The following SGMS1 variants were observed in gnomAD, a reference collection of about 807,000 sequenced individuals.
The protein encoded by SGMS1 is phosphatidylcholine:ceramide cholinephosphotransferase 1.
Under a neutral mutation model 46.2 loss-of-function variants are expected in SGMS1, and 13 were observed. The ratio of observed to expected loss-of-function variants is 0.28; its 90% CI spans 0.18 to 0.45. SGMS1 has a LOEUF of 0.45. Ranked by LOEUF, SGMS1 falls within the 20% of genes least tolerant of loss-of-function variation. SGMS1 has a pLI of 1.00. For missense variants in SGMS1, 324 were observed against 519.9 expected, an observed-to-expected ratio of 0.62 and a Z score of 3.66; for synonymous variants, 203 against 187.8, an observed-to-expected ratio of 1.08 and a Z score of -0.66.
intron 3 of SGMS1, among the ~76,000 whole-genome samples, chr10:50,491,970 C>T (rs1483141763): frequency 2.6e-5 from 4 of 152,166 alleles, no homozygotes; most frequent in Non-Finnish European, 4.4e-5. Context: ...TTATCCATCA[C>T]GGTCAAGTAT....
At chr10:50,405,271 C>T (rs1387831973) in intron 6 of SGMS1, among the ~76,000 whole-genome samples, 1 of 151,882 alleles carries the variant, frequency 6.6e-6, no homozygotes, top group African/African-American at 2.4e-5. Context: ...TATAATAAAC[C>T]TCAACATCTG....
At chr10:50,524,150 C>T (rs1023355966) in intron 2 of SGMS1, among the ~76,000 whole-genome samples, 1 of 152,186 alleles carries the variant, frequency 6.6e-6, no homozygotes, top group Non-Finnish European at 1.5e-5. Flanking sequence ...TTTTGTACCC[C>T]TCACTGTCCA....
At chr10:50,486,320 T>C (rs1375557344) in intron 3 of SGMS1, among the ~76,000 whole-genome samples, 1 of 152,192 alleles carries the variant, frequency 6.6e-6, no homozygotes, top group Non-Finnish European at 1.5e-5. Context: ...TAATGGAATC[T>C]AATTCAACTA....
At chr10:50,356,108 C>T (rs187836247) in intron 6 of SGMS1, among the ~76,000 whole-genome samples, 32 of 152,154 alleles carry the variant, frequency 2.1e-4, no homozygotes, top group African/African-American at 6.3e-4. Flanking sequence ...GCAGTTTTGT[C>T]GAATAGAAAA....
chr10:50,374,727 T>C (rs1316743025), intron 6 of SGMS1, among the ~76,000 whole-genome samples: 8 of 152,092 alleles, frequency 5.3e-5, no homozygotes, highest in African/African-American at 1.7e-4. Flanking sequence ...TCTCCCCACT[T>C]GCCCATTCTC....
chr10:50,389,292 G>C (rs903431990), intron 6 of SGMS1, among the ~76,000 whole-genome samples: 1 of 152,060 alleles, frequency 6.6e-6, no homozygotes, highest in Non-Finnish European at 1.5e-5. Flanking sequence ...TAAATTTTGT[G>C]CTTTGCTCTA....
At chr10:50,421,660 C>A (rs1385429481) in intron 6 of SGMS1, among the ~76,000 whole-genome samples, 1 of 152,204 alleles carries the variant, frequency 6.6e-6, no homozygotes, top group African/African-American at 2.4e-5. Context: ...ATTTGGATAA[C>A]ACACTGGACC....
intron 7 of SGMS1, among the ~76,000 whole-genome samples, chr10:50,329,630 T>C (rs1847585618): frequency 6.6e-6 from 1 of 152,226 alleles, no homozygotes; most frequent in African/African-American, 2.4e-5. Flanking sequence ...CACTTAGAAT[T>C]CTTATTCACT....
rs182514288 is a variant in SGMS1 at position 50,440,265 on chromosome 10, C to T, written c.-312-6709G>A. Reference sequence around the variant, plus strand: ...CTGTTACAGAACTCTCCCAGCAACCCAAATTAAAAAATATATATATATATA... The same window carrying T: ...CTGTTACAGAACTCTCCCAGCAACCTAAATTAAAAAATATATATATATATA... On this transcript the variant is annotated intron_variant, in intron 5 of 10. Coordinates refer to ENST00000361781, the MANE Select transcript of SGMS1 (RefSeq NM_147156.4). 2.7e-5 allele frequency among the ~76,000 whole-genome samples: 4 copies of T among 150,362 alleles called. No homozygotes were observed. The South Asian group carries it at 8.3e-4, about 31-fold the overall frequency.
At chr10:50,457,713 G>T (rs1248333881) in intron 5 of SGMS1, among the ~76,000 whole-genome samples, 1 of 152,144 alleles carries the variant, frequency 6.6e-6, no homozygotes, top group Admixed American at 6.5e-5. Context: ...ATGGTCTCCA[G>T]GTGCATCCAT....
intron 2 of SGMS1, among the ~76,000 whole-genome samples, chr10:50,551,673 C>A (rs1269913631): frequency 6.6e-6 from 1 of 151,966 alleles, no homozygotes; most frequent in East Asian, 1.9e-4. Flanking sequence ...TAAAAGTATT[C>A]TAAAATTAAA....
intron 3 of SGMS1, among the ~76,000 whole-genome samples, chr10:50,494,044 G>A (rs570567572): frequency 6.6e-6 from 1 of 152,292 alleles, no homozygotes; most frequent in African/African-American, 2.4e-5. Flanking sequence ...TGATCCACCC[G>A]CCTTGGCCTC....
At chr10:50,600,593 G>A (rs12243860) in intron 1 of SGMS1, among the ~76,000 whole-genome samples, 14 of 152,300 alleles carry the variant, frequency 9.2e-5, no homozygotes, top group African/African-American at 3.4e-4. Context: ...ATCAACAGCT[G>A]GGCTGTTGAG....
intron 3 of SGMS1, among the ~76,000 whole-genome samples, chr10:50,513,716 T>C (rs61858064): frequency 0.18 from 27,045 of 152,154 alleles, 2,685 homozygotes; most frequent in Admixed American, 0.23. Context: ...TATATTAAGC[T>C]CAAAATTAAG....
At chr10:50,410,578 T>C (rs1849081750) in intron 6 of SGMS1, among the ~76,000 whole-genome samples, 1 of 152,160 alleles carries the variant, frequency 6.6e-6, no homozygotes, top group Admixed American at 6.5e-5. Context: ...GAAGGATGCA[T>C]AGTGGGCATG....
intron 7 of SGMS1, 148 bp downstream of exon 7, chr10:50,343,340 AAGTT>A (rs1340119450): frequency 5.2e-6 from 4 of 775,822 alleles, no homozygotes; most frequent in Non-Finnish European, 7.7e-6. Flanking sequence ...TCCAGACAGT[AAGTT>A]AGTCCAACAG....
chr10:50,368,774 T>C lies in SGMS1; in HGVS notation c.-231-24429A>G, dbSNP rs184268249. Among the ~76,000 whole-genome samples, 5 of 152,258 alleles carry C rather than the reference T, an allele frequency of 3.3e-5. 1 individual carries two copies. Among genetic ancestry groups the C allele is most frequent in the Non-Finnish European group, 7.3e-5 (5 of 68,040 alleles). Reference sequence around the variant, plus strand: ...AACTGTAAAGAAATTATATAAATTATGTAAGTTTTCAAATTAGTTAACCAA... The same window carrying C: ...AACTGTAAAGAAATTATATAAATTACGTAAGTTTTCAAATTAGTTAACCAA... On this transcript the variant is annotated intron_variant, in intron 6 of 10. Transcript: ENST00000361781.
chr10:50,487,205 C>G (rs1401658665), intron 3 of SGMS1, among the ~76,000 whole-genome samples: 2 of 152,130 alleles, frequency 1.3e-5, no homozygotes, highest in Non-Finnish European at 2.9e-5. Flanking sequence ...GAGCTGGAAG[C>G]CATTATCCTC....
rs1847549483 is a variant in SGMS1, at chr10:50,327,418, A to G, written c.624-96T>C. The G allele has an allele frequency of 1.7e-5, 13 of 745,010 alleles. No homozygotes were observed. In the South Asian group the frequency reaches 2.1e-4, roughly 12 times the overall value. 46.1% of individuals were successfully genotyped at this position (745,010 alleles called of 1,614,324 possible). ...AATGACTCAATAAAAACAAACCCCA[A>G]AAACTACTTGAGAACTTGAAACCAG... is the stretch of plus-strand genomic sequence containing the variant. On this transcript the variant is annotated intron_variant, in intron 7 of 10. Transcript: ENST00000361781.
Sources: gnomAD v4.1 joint callset for allele counts (sites outside exome capture counted in the v4.1 genomes callset) on GRCh38, gnomAD v4.1.1 for gene constraint, MANE v1.5 for transcripts, NCBI Gene and HGNC (gene_info 2026-07-23, HGNC 2026-07-21) for gene names.